Variants in EPHA7 observed in about 807,000 individuals in gnomAD.
EPHA7 encodes EPH receptor A7.
EPHA7 carries 25 observed loss-of-function variants against 112.6 expected under a neutral mutation model. That is an observed-to-expected ratio of 0.22 (90% CI 0.16 to 0.31). The LOEUF is 0.31. EPHA7 is among the 10% of genes least tolerant of loss of function. The pLI, the probability that EPHA7 is intolerant of heterozygous loss-of-function variation, is 1.00. For synonymous variants in EPHA7, 437 were observed against 406.5 expected, an observed-to-expected ratio of 1.07 and a Z score of -0.90; for missense variants, 962 against 1,212.6, an observed-to-expected ratio of 0.79 and a Z score of 3.07.
At chr6:93,371,497 C>T (rs114103167) in intron 3 of EPHA7, among the ~76,000 whole-genome samples, 1,900 of 152,190 alleles carry the variant, frequency 0.012, 40 homozygotes, top group African/African-American at 0.044. Context: ...GTAACTCACC[C>T]CCCTTGATAC....
intron 5 of EPHA7, among the ~76,000 whole-genome samples, chr6:93,295,127 CA>C (rs1772593583): frequency 6.6e-6 from 1 of 151,624 alleles, no homozygotes; most frequent in South Asian, 2.1e-4. Flanking sequence ...AGAGAGAGAT[CA>C]ACCATTTTGA....
At chr6:93,301,639 C>A (rs1360363742) in intron 5 of EPHA7, among the ~76,000 whole-genome samples, 3 of 152,176 alleles carry the variant, frequency 2.0e-5, no homozygotes, top group Admixed American at 2.0e-4. Context: ...TAGCAACTGT[C>A]TGTCATCTCC....
chr6:93,278,695 G>A (rs891087234), intron 5 of EPHA7, among the ~76,000 whole-genome samples: 2 of 151,670 alleles, frequency 1.3e-5, no homozygotes, highest in Admixed American at 1.3e-4. Context: ...GGTAAATACT[G>A]CTTTTCTTGC....
chr6:93,276,442 T>C (rs1326509955), intron 5 of EPHA7, among the ~76,000 whole-genome samples: 2 of 152,022 alleles, frequency 1.3e-5, no homozygotes, highest in African/African-American at 4.8e-5. Flanking sequence ...AGCTTGGAAG[T>C]GGATCTTCCC....
At chr6:93,355,592 A>T (rs1245514473) in intron 5 of EPHA7, among the ~76,000 whole-genome samples, 1 of 152,204 alleles carries the variant, frequency 6.6e-6, no homozygotes, top group Admixed American at 6.6e-5. Flanking sequence ...ACTTTGTTGC[A>T]TTTACTACAT....
intron 9 of EPHA7, among the ~76,000 whole-genome samples, chr6:93,262,981 C>A (rs58458012): frequency 0.032 from 4,834 of 151,262 alleles, 124 homozygotes; most frequent in African/African-American, 0.077. Flanking sequence ...ACAAAAGATA[C>A]AATTCTTACA....
At position 93,240,801 on chromosome 6, in the gene EPHA7, A is replaced by G. The variant is rs1225239496; in HGVS notation, c.*2625T>C. ...TACATTCTTATCGTTATACCATCTC[A>G]TCTCTTTCTGGAAGAGAGTATTACA... On this transcript the variant is annotated 3_prime_UTR_variant, in exon 17 of 17. Coordinates refer to ENST00000369303, the MANE Select transcript of EPHA7 (RefSeq NM_004440.4). The G allele has an allele frequency of 4.7e-6, 1 of 211,810 alleles. No homozygotes were observed. Among genetic ancestry groups the G allele is most frequent in the Non-Finnish European group, 9.6e-6 (1 of 104,614 alleles). 13.1% of individuals were successfully genotyped at this position (211,810 alleles called of 1,614,324 possible).
intron 5 of EPHA7, among the ~76,000 whole-genome samples, chr6:93,319,427 T>G (rs1214938053): frequency 6.6e-6 from 1 of 151,994 alleles, no homozygotes; most frequent in Non-Finnish European, 1.5e-5. Flanking sequence ...TTTTAAGGAT[T>G]AGTAAAGAGA....
Position 93,408,863 on chromosome 6 carries a change from A to G in EPHA7, c.832+1638T>C, listed in dbSNP as rs890767439. On this transcript the variant is annotated intron_variant, in intron 3 of 16. Coordinates refer to ENST00000369303, the MANE Select transcript of EPHA7 (RefSeq NM_004440.4). ...TCTAGCCACACTAAAAAAGAGTAAA[A>G]GAAACAGCTGAAATTTTAACATTAT... Among the ~76,000 whole-genome samples, 10 of 152,172 alleles carry G rather than the reference A, an allele frequency of 6.6e-5. No homozygotes were observed. In the South Asian group the frequency reaches 1.0e-3, roughly 16 times the overall value.
At chr6:93,272,580 C>A (rs1233920697) in intron 5 of EPHA7, among the ~76,000 whole-genome samples, 158 bp from the exon 6 acceptor site, 2 of 151,906 alleles carry the variant, frequency 1.3e-5, no homozygotes, top group African/African-American at 4.8e-5. Flanking sequence ...AATATTCAAA[C>A]AGGACCTTAT....
At chr6:93,283,636 C>T (rs1354751330) in intron 5 of EPHA7, among the ~76,000 whole-genome samples, 1 of 152,132 alleles carries the variant, frequency 6.6e-6, no homozygotes, top group Non-Finnish European at 1.5e-5. Context: ...TGCAGCTTCA[C>T]TCCCGAAGCC....
rs539503475 is a variant in EPHA7 at position 93,279,816 on chromosome 6, T to C, written c.1325-7394A>G. On this transcript the variant is annotated intron_variant, in intron 5 of 16. Coordinates refer to ENST00000369303, the MANE Select transcript of EPHA7 (RefSeq NM_004440.4). ...TTGATGAAAGAAGCATTTCTTTTTC[T>C]TTGCAGCTTCCTTGATCATTTTCTT... Among the ~76,000 whole-genome samples the C allele has an allele frequency of 5.9e-5, 9 of 152,258 alleles. No homozygotes were observed. In the South Asian group the frequency reaches 1.9e-3, roughly 32 times the overall value.
intron 14 of EPHA7, among the ~76,000 whole-genome samples, chr6:93,252,812 A>G (rs1770273602): frequency 6.6e-6 from 1 of 151,964 alleles, no homozygotes; most frequent in Non-Finnish European, 1.5e-5. Context: ...AAATAAAAAA[A>G]TTAAAGAATG....
intron 3 of EPHA7, among the ~76,000 whole-genome samples, chr6:93,364,416 C>T (rs139549066): frequency 0.013 from 2,044 of 151,432 alleles, 37 homozygotes; most frequent in African/African-American, 0.047. Context: ...CCCAGCTACT[C>T]GGAAGGCTGA....
intron 5 of EPHA7, among the ~76,000 whole-genome samples, chr6:93,305,019 G>A (rs891238418): frequency 6.6e-6 from 1 of 151,996 alleles, no homozygotes; most frequent in Admixed American, 6.6e-5. Context: ...AAAATACAAT[G>A]TAGATTATTA....
chr6:93,345,258 G>A (rs956191689), intron 5 of EPHA7, among the ~76,000 whole-genome samples: 4 of 151,590 alleles, frequency 2.6e-5, no homozygotes, highest in Admixed American at 6.6e-5. Flanking sequence ...CTCAGACAAC[G>A]TTCTGCATCT....
chr6:93,309,239 G>A (rs776953289), intron 5 of EPHA7, among the ~76,000 whole-genome samples: 6 of 152,170 alleles, frequency 3.9e-5, no homozygotes, highest in Non-Finnish European at 7.4e-5. Context: ...GTGAGCCACC[G>A]CACCCAGCCT....
chr6:93,288,668 C>T (rs1772196653), intron 5 of EPHA7, among the ~76,000 whole-genome samples: 2 of 152,148 alleles, frequency 1.3e-5, no homozygotes. Flanking sequence ...TCCAGCCTCA[C>T]CATGCATAAA....
intron 5 of EPHA7, among the ~76,000 whole-genome samples, chr6:93,335,129 T>C (rs1774799677): frequency 2.0e-5 from 3 of 152,100 alleles, no homozygotes; most frequent in African/African-American, 4.8e-5. Context: ...CACAAAACTA[T>C]CGCAAGTTTG....
Sources: allele counts gnomAD v4.1 joint callset (sites outside exome capture counted in the v4.1 genomes callset), GRCh38; gene constraint gnomAD v4.1.1; transcripts MANE v1.5; gene names NCBI Gene and HGNC (gene_info 2026-07-23, HGNC 2026-07-21).